Variants in RALGDS observed in about 807,000 individuals in gnomAD.
RALGDS encodes ral guanine nucleotide exchange factor.
A neutral mutation model predicts 99.8 loss-of-function variants in RALGDS; 44 were observed. That is an observed-to-expected ratio of 0.44 (90% CI 0.35 to 0.57). The LOEUF (loss-of-function observed/expected upper bound fraction) is 0.57. Among genes scored for constraint, RALGDS ranks in the 20% least tolerant of loss-of-function variants. The pLI, the probability that RALGDS is intolerant of heterozygous loss-of-function variation, is 0.01. For missense variants in RALGDS, 1,022 were observed against 1,203.1 expected (o/e 0.85, Z 2.23); for synonymous variants, 529 against 505.0 (o/e 1.05, Z -0.64).
intron 5 of RALGDS, 61 bp downstream of exon 5, chr9:133,108,612 G>A (rs189148688): frequency 1.9e-5 from 30 of 1,590,084 alleles, no homozygotes; most frequent in Admixed American, 1.0e-4. Flanking sequence ...CCTCCTCTTC[G>A]TGTGGCCCAG....
At position 133,141,651 on chromosome 9, in the gene RALGDS, A is replaced by G. The variant is rs372683116; in HGVS notation, c.18+7312T>C. On this transcript the variant is annotated intron_variant, in intron 1 of 17. Transcript: ENST00000393160. The stretch of plus-strand genomic sequence containing the variant: ...GGCCTGATGGCCGAGGTGGATGCCG[A>G]CATGTGAGGAGGAAGGGCAGTGGCG... 3.2e-3 allele frequency among the ~76,000 whole-genome samples: 486 copies of G among 152,338 alleles called. 6 individuals are homozygous for G. Among genetic ancestry groups the G allele is most frequent in the African/African-American group, 0.011 (473 of 41,576 alleles).
upstream of RALGDS, among the ~76,000 whole-genome samples, chr9:133,136,028 GCAGACCA>G (rs1832419741): frequency 2.0e-5 from 3 of 152,186 alleles, no homozygotes; most frequent in African/African-American, 7.2e-5. Context: ...TGCACTGTCT[GCAGACCA>G]CAGAGAGGGC....
upstream of RALGDS, among the ~76,000 whole-genome samples, chr9:133,122,705 C>T (rs542510904): frequency 6.6e-6 from 1 of 152,210 alleles, no homozygotes; most frequent in Non-Finnish European, 1.5e-5. Context: ...ATAATCAGCT[C>T]TATGTGATAA....
rs193168265 is a variant in RALGDS at position 133,144,148 on chromosome 9, T to C, written c.18+4815A>G. On this transcript the variant is annotated intron_variant, in intron 1 of 17. Transcript: ENST00000393160. The surrounding 1 kb of genome is among the most constrained non-coding windows in gnomAD (Gnocchi z 4.5). ...GCTGCCTTCCGAGCACCCGCAGACC[T>C]GGGCCTGCAGTAACAGGAGAGCTAT... Among the ~76,000 whole-genome samples the C allele has an allele frequency of 2.6e-5, 4 of 152,220 alleles. No homozygotes were observed. The highest frequency in any genetic ancestry group is 1.9e-4 in the East Asian group (1 of 5,166).
intron 2 of RALGDS, among the ~76,000 whole-genome samples, chr9:133,111,131 C>T (rs1831317844): frequency 6.6e-6 from 1 of 152,162 alleles, no homozygotes; most frequent in Non-Finnish European, 1.5e-5. Context: ...ATACTGACAC[C>T]TTCAGGTCCG....
At chr9:133,121,591 G>A (rs1564246201), upstream of RALGDS, among the ~76,000 whole-genome samples, 1 of 152,072 alleles carries the variant, frequency 6.6e-6, no homozygotes. Context: ...TGTACGTGCT[G>A]ATCATGTGTG....
Position 133,102,056 on chromosome 9 carries a change from A to C in RALGDS, c.2093T>G (p.Leu698Arg). The C allele has an allele frequency of 6.4e-7, 1 of 1,564,350 alleles. No homozygotes were observed. The highest frequency in any genetic ancestry group is 8.7e-7 in the Non-Finnish European group (1 of 1,154,048). ...CGCGTCAGCGATGTCCCCGCTGCTG[A>C]GGTAGGGGCCACACCTGAGCTGGTC... is the stretch of plus-strand genomic sequence containing the variant. ...SCDQLRCGPY[L>R]SSGDIADALS... Residue 698 changes from leucine (L) to arginine (R), a missense_variant, in exon 15 of 18, where the codon CTC becomes CGC. Leu to Arg is a moderately radical substitution (Grantham distance 102). This residue lies in a region of RALGDS where 825 missense variants were observed against 994.5 expected (regional missense o/e 0.83). Coordinates refer to ENST00000372050, the MANE Select transcript of RALGDS (RefSeq NM_006266.4).
At chr9:133,145,174 C>T (rs1393866942) in intron 1 of RALGDS, among the ~76,000 whole-genome samples, 1 of 152,138 alleles carries the variant, frequency 6.6e-6, no homozygotes, top group Non-Finnish European at 1.5e-5. Context: ...TTGTGTTGAG[C>T]CACCCAGCAC....
Position 133,108,413 on chromosome 9 carries a change from G to T in RALGDS, c.779-7C>A. The T allele has an allele frequency of 6.5e-7, 1 of 1,535,456 alleles. No homozygotes were observed. Among genetic ancestry groups the T allele is most frequent in the Non-Finnish European group, 8.7e-7 (1 of 1,146,180 alleles). On this transcript the variant is annotated splice_region_variant and splice_polypyrimidine_tract_variant and intron_variant, in intron 5 of 17. Transcript: ENST00000372050. Reference sequence around the variant, plus strand: ...GCTGGCACTGGTGACAGAGCTGCAAGAGGAGAAAAGTTCAACAACATGCCA... The same window carrying T: ...GCTGGCACTGGTGACAGAGCTGCAATAGGAGAAAAGTTCAACAACATGCCA...
chr9:133,108,467 G>C, intron 5 of RALGDS, 61 bp from the exon 6 acceptor site: 1 of 1,487,954 alleles, frequency 6.7e-7, no homozygotes, highest in South Asian at 1.2e-5. Flanking sequence ...CAAAGACACA[G>C]AACAGCCCCG....
intron 9 of RALGDS, 81 bp from the exon 10 acceptor site, chr9:133,104,412 G>C (rs2119134908): frequency 1.5e-6 from 2 of 1,339,706 alleles, no homozygotes; most frequent in Non-Finnish European, 2.1e-6. Context: ...TGCCAGTGTG[G>C]TCGGGTTCCA....
chr9:133,134,283 TG>T (rs1832391068), upstream of RALGDS, among the ~76,000 whole-genome samples: 1 of 152,198 alleles, frequency 6.6e-6, no homozygotes, highest in South Asian at 2.1e-4. Flanking sequence ...CACTGACACC[TG>T]TCACTGTGCA....
intron 5 of RALGDS, 124 bp downstream of exon 5, chr9:133,108,549 C>A: frequency 7.0e-7 from 1 of 1,426,552 alleles, no homozygotes; most frequent in Non-Finnish European, 9.6e-7. Flanking sequence ...GTGGTCCCTG[C>A]CTGTGTGGTC....
At chr9:133,110,267 A>G in intron 3 of RALGDS, 29 bp downstream of exon 3, 1 of 1,603,638 alleles carries the variant, frequency 6.2e-7, no homozygotes, top group African/African-American at 1.3e-5. Flanking sequence ...GCCCCTGTGC[A>G]CCCTGTGCAG....
At chr9:133,099,766 C>G (rs1421682460) in intron 17 of RALGDS, 1 of 184,820 alleles carries the variant, frequency 5.4e-6, no homozygotes, top group Non-Finnish European at 1.2e-5. Flanking sequence ...GGAGCTTGCC[C>G]AGCGTCTCCA....
intron 10 of RALGDS, 67 bp from the exon 11 acceptor site, chr9:133,103,900 A>G: frequency 6.7e-7 from 1 of 1,489,930 alleles, no homozygotes; most frequent in Non-Finnish European, 9.3e-7. Context: ...CCCCAGCCCC[A>G]ACTGGTCTCA....
intron 1 of RALGDS, among the ~76,000 whole-genome samples, chr9:133,143,798 T>TAATAACAACAACAACAACAACAACAAC (rs1832575709): frequency 7.2e-6 from 1 of 138,912 alleles, no homozygotes; most frequent in Non-Finnish European, 1.5e-5. Flanking sequence ...ATAATAATAA[T>TAATAACAACAACAACAACAACAACAAC]AATAATAATA....
Position 133,101,682 on chromosome 9 carries a change from G to C in RALGDS, c.2292C>G (p.Ala764=). Reference sequence around the variant, plus strand: ...GTGTGGCAGCCACGGGCGTGGTGGAGGCTGAGGAGGACGAGGTGCTGCTGG... The same window carrying C: ...GTGTGGCAGCCACGGGCGTGGTGGACGCTGAGGAGGACGAGGTGCTGCTGG... ...SASSSTSSSS[A]STTPVAATRT... Residue 764 remains alanine, a synonymous_variant, in exon 16 of 18, where the codon GCC becomes GCG. Coordinates refer to ENST00000372050, the MANE Select transcript of RALGDS (RefSeq NM_006266.4). 3.1e-6 allele frequency: 5 copies of C among 1,613,984 alleles called. No individual in the cohort carries two copies. The highest frequency in any genetic ancestry group is 4.2e-6 in the Non-Finnish European group (5 of 1,179,996).
Position 133,144,600 on chromosome 9 carries a change from C to T in RALGDS, c.18+4363G>A, listed in dbSNP as rs1443074118. Among the ~76,000 whole-genome samples the T allele has an allele frequency of 1.3e-5, 2 of 152,234 alleles. No homozygotes were observed. The highest frequency in any genetic ancestry group is 1.3e-4 in the Admixed American group (2 of 15,282). ...GGCCGCACGGGAGGGCACAGCGCCA[C>T]CTGCTGGTGCTGCCGCCAGAGCGCG... On this transcript the variant is annotated intron_variant, in intron 1 of 17. Coordinates refer to the RALGDS transcript ENST00000393160. This position sits in a 1 kb window ranked among gnomAD's most constrained non-coding sequence, Gnocchi z 4.5.
Sources: gnomAD v4.1 joint callset for allele counts (sites outside exome capture counted in the v4.1 genomes callset) on GRCh38, gnomAD v4.1.1 for gene constraint, gnomAD v4.1.1 regional missense constraint, Gnocchi (gnomAD v3.1) non-coding constraint, MANE v1.5 for transcripts, NCBI Gene and HGNC (gene_info 2026-07-23, HGNC 2026-07-21) for gene names.